Variants in GABRB1 observed in about 807,000 individuals in gnomAD.
The protein encoded by GABRB1 is gamma-aminobutyric acid receptor subunit beta-1.
Under a neutral mutation model 51.6 loss-of-function variants are expected in GABRB1, and 17 were observed. That is an observed-to-expected ratio of 0.33 (90% confidence interval 0.23 to 0.49). GABRB1 has a LOEUF of 0.49. GABRB1 is among the 20% of genes least tolerant of loss of function. The pLI, the probability that GABRB1 is intolerant of heterozygous loss-of-function variation, is 0.99. For missense variants in GABRB1, 410 were observed against 600.6 expected, an observed-to-expected ratio of 0.68 and a Z score of 3.32; for synonymous variants, 247 against 218.9, an observed-to-expected ratio of 1.13 and a Z score of -1.14.
intron 3 of GABRB1, among the ~76,000 whole-genome samples, chr4:47,104,855 G>A (rs1191510138): frequency 1.3e-5 from 2 of 151,882 alleles, no homozygotes; most frequent in African/African-American, 4.8e-5. Flanking sequence ...TTTTCTGTTT[G>A]GGCCTCCCAC....
intron 5 of GABRB1, among the ~76,000 whole-genome samples, chr4:47,401,499 C>T (rs1227560744): frequency 6.6e-6 from 1 of 152,104 alleles, no homozygotes; most frequent in East Asian, 1.9e-4. Context: ...TGTTCTAATC[C>T]CCACCCAAGG....
intron 5 of GABRB1, among the ~76,000 whole-genome samples, chr4:47,343,195 C>T (rs747414802): frequency 2.6e-5 from 4 of 151,328 alleles, no homozygotes; most frequent in African/African-American, 9.7e-5. Context: ...AGACCCGAGA[C>T]AGGGTTAGAG....
chr4:47,237,521 A>T (rs982833445), intron 4 of GABRB1, among the ~76,000 whole-genome samples: 2 of 152,108 alleles, frequency 1.3e-5, no homozygotes, highest in African/African-American at 4.8e-5. Context: ...AAATGGAAAG[A>T]TGAGCACATT....
intron 3 of GABRB1, among the ~76,000 whole-genome samples, chr4:47,145,129 C>T (rs1242726872): frequency 6.6e-6 from 1 of 151,990 alleles, no homozygotes; most frequent in African/African-American, 2.4e-5. Context: ...TATTGAGTAT[C>T]TCTTTGTATC....
chr4:47,342,270 G>A (rs1445182159), intron 5 of GABRB1, among the ~76,000 whole-genome samples: 5 of 152,050 alleles, frequency 3.3e-5, no homozygotes, highest in Non-Finnish European at 5.9e-5. Context: ...AAAAACAAAA[G>A]GCAAGAAATA....
intron 5 of GABRB1, among the ~76,000 whole-genome samples, chr4:47,351,343 AC>A (rs1407224091): frequency 6.6e-6 from 1 of 152,146 alleles, no homozygotes; most frequent in Non-Finnish European, 1.5e-5. Flanking sequence ...ATCCAATCCA[AC>A]CAAATTAAAA....
intron 4 of GABRB1, among the ~76,000 whole-genome samples, chr4:47,184,598 G>A (rs976865207): frequency 5.3e-5 from 8 of 151,898 alleles, no homozygotes; most frequent in African/African-American, 1.7e-4. Flanking sequence ...TTGATTTCCT[G>A]TTAACACCTG....
intron 4 of GABRB1, among the ~76,000 whole-genome samples, chr4:47,185,518 G>A (rs745747029): frequency 6.6e-6 from 1 of 151,728 alleles, no homozygotes; most frequent in Non-Finnish European, 1.5e-5. Flanking sequence ...CAAACTTCCT[G>A]ACATATGATA....
chr4:47,192,754 A>G (rs1177161558), intron 4 of GABRB1, among the ~76,000 whole-genome samples: 2 of 152,242 alleles, frequency 1.3e-5, no homozygotes, highest in African/African-American at 4.8e-5. Flanking sequence ...GGAACACAAA[A>G]TTAATGATAG....
chr4:47,328,778 G>A (rs1560335872), intron 5 of GABRB1, among the ~76,000 whole-genome samples: 1 of 151,880 alleles, frequency 6.6e-6, no homozygotes, highest in African/African-American at 2.4e-5. Context: ...GGGGAGGGGG[G>A]AGCGGGGAGG....
intron 4 of GABRB1, among the ~76,000 whole-genome samples, chr4:47,221,775 G>A (rs1198119600): frequency 6.6e-6 from 1 of 151,914 alleles, no homozygotes; most frequent in Non-Finnish European, 1.5e-5. Flanking sequence ...TGAGTATCTG[G>A]TCACAACATT....
chr4:47,048,962 G>A (rs1300275629), intron 3 of GABRB1, among the ~76,000 whole-genome samples: 1 of 151,632 alleles, frequency 6.6e-6, no homozygotes, highest in Non-Finnish European at 1.5e-5. Flanking sequence ...CTCAAAACAA[G>A]CCATAAGGAA....
intron 4 of GABRB1, among the ~76,000 whole-genome samples, chr4:47,296,593 A>C (rs1322423997): frequency 6.6e-6 from 1 of 152,226 alleles, no homozygotes; most frequent in African/African-American, 2.4e-5. Flanking sequence ...ATTCAGGAGC[A>C]CCCAGATTCA....
At chr4:47,126,541 A>C (rs1475774307) in intron 3 of GABRB1, among the ~76,000 whole-genome samples, 1 of 152,132 alleles carries the variant, frequency 6.6e-6, no homozygotes, top group Non-Finnish European at 1.5e-5. Context: ...ATATATTACA[A>C]TTTTTATTTA....
chr4:47,358,825 A>T (rs1726688989), intron 5 of GABRB1, among the ~76,000 whole-genome samples: 1 of 152,182 alleles, frequency 6.6e-6, no homozygotes, highest in Non-Finnish European at 1.5e-5. Flanking sequence ...ACTTGATAGA[A>T]TTCTAAAGTA....
intron 5 of GABRB1, among the ~76,000 whole-genome samples, chr4:47,375,681 G>C (rs975563043): frequency 6.6e-6 from 1 of 152,204 alleles, no homozygotes; most frequent in Non-Finnish European, 1.5e-5. Flanking sequence ...TCAGATCCTG[G>C]CTTTGGTCTG....
At chr4:47,018,937 A>G (rs930267043) in intron 1 of GABRB1, among the ~76,000 whole-genome samples, 1 of 152,188 alleles carries the variant, frequency 6.6e-6, no homozygotes, top group African/African-American at 2.4e-5. Context: ...TTTTTTCTTC[A>G]TCATTTTTGC....
intron 5 of GABRB1, among the ~76,000 whole-genome samples, chr4:47,390,334 A>C (rs1727941719): frequency 6.6e-6 from 1 of 152,246 alleles, no homozygotes; most frequent in African/African-American, 2.4e-5. Context: ...ATTTCTGCCC[A>C]CCCATGGATT....
upstream of GABRB1, among the ~76,000 whole-genome samples, chr4:47,031,136 C>T (rs955927612): frequency 6.6e-6 from 1 of 152,010 alleles, no homozygotes; most frequent in Non-Finnish European, 1.5e-5. Flanking sequence ...CTCTTCCCTG[C>T]TCCCAGTCAC....
Sources: gnomAD v4.1 joint callset for allele counts (sites outside exome capture counted in the v4.1 genomes callset) on GRCh38, gnomAD v4.1.1 for gene constraint, MANE v1.5 for transcripts, NCBI Gene and HGNC (gene_info 2026-07-23, HGNC 2026-07-21) for gene names.